The following DNAI7 variants were observed in gnomAD, a reference collection of about 807,000 sequenced individuals.
DNAI7 encodes the protein cancer susceptibility 1.
A neutral mutation model predicts 86.6 loss-of-function variants in DNAI7; 78 were observed. The observed-to-expected ratio is 0.90, with a 90% confidence interval of 0.75 to 1.09. The LOEUF is 1.09. DNAI7 is among the 50% of genes least tolerant of loss of function. The pLI is 0.00. For missense variants in DNAI7, 753 were observed against 810.2 expected, an observed-to-expected ratio of 0.93 and a Z score of 0.86; for synonymous variants, 274 against 273.0, an observed-to-expected ratio of 1.00 and a Z score of -0.04.
In DNAI7 at chr12:25,119,272, T is replaced by C. The variant is rs987184348; in HGVS notation, c.1269A>G (p.Thr423=). 3.7e-6 allele frequency: 6 copies of C among 1,609,446 alleles called. No homozygotes were observed. The East Asian group carries it at 6.7e-5, about 18-fold the overall frequency. Residue 423 remains threonine, a synonymous_variant, in exon 12 of 16, where the codon ACA becomes ACG. Coordinates refer to ENST00000395987, the MANE Select transcript of DNAI7 (RefSeq NM_018272.5). The part of the protein sequence containing the change: ...EILKEGLQKY[T]YPPETTEEFE... The stretch of plus-strand genomic sequence containing the variant: ...ACTCTTCTGTAGTTTCCGGAGGATA[T>C]GTGTATTTCTGTAATCCTTCTTTGA...
chr12:25,110,485 C>T (rs1949735529), intron 14 of DNAI7, among the ~76,000 whole-genome samples: 1 of 152,176 alleles, frequency 6.6e-6, no homozygotes, highest in Non-Finnish European at 1.5e-5. Flanking sequence ...TACCCCATTA[C>T]CTGCCGACCT....
rs1946461558 is a variant in DNAI7 at position 25,158,454 on chromosome 12, T to C, written c.198+18A>G. ...ATAGTTTAAGTATTCATTAAGAACA[T>C]TATTAATGTTTATTTACTTTTGCTT... On this transcript the variant is annotated intron_variant, in intron 4 of 15. Transcript: ENST00000395987. The C allele has an allele frequency of 1.9e-6, 3 of 1,577,490 alleles. No individual in the cohort carries two copies. Among genetic ancestry groups the C allele is most frequent in the East Asian group, 4.5e-5 (2 of 44,552 alleles).
chr12:25,143,912 G>T (rs1944503490), intron 9 of DNAI7, among the ~76,000 whole-genome samples: 1 of 152,162 alleles, frequency 6.6e-6, no homozygotes, highest in Admixed American at 6.5e-5. Flanking sequence ...TATCTCTAAA[G>T]ATGTCAGATT....
intron 2 of DNAI7, among the ~76,000 whole-genome samples, chr12:25,163,638 G>A (rs1947094701): frequency 6.6e-6 from 1 of 152,162 alleles, no homozygotes; most frequent in African/African-American, 2.4e-5. Flanking sequence ...CTGGTGCCGT[G>A]ACTTGGATCA....
chr12:25,144,344 G>C (rs773267742), intron 9 of DNAI7, 21 bp downstream of exon 9: 1 of 1,572,468 alleles, frequency 6.4e-7, no homozygotes, highest in African/African-American at 1.4e-5. Flanking sequence ...AAAAAAATGT[G>C]TATATTTAAA....
chr12:25,188,673 CAAAAAAAAAA>C (rs71065918), intron 2 of DNAI7, among the ~76,000 whole-genome samples: 71,719 of 130,914 alleles, frequency 0.55, 18,465 homozygotes, highest in East Asian at 0.8. Flanking sequence ...GACTCTGTCT[CAAAAAAAAAA>C]AAAAAAAAAA....
Position 25,144,491 on chromosome 12 carries a change from C to T in DNAI7, c.876G>A (p.Lys292=). The change falls in exon 9 of 16, where the codon AAG becomes AAA. Residue 292 remains lysine (K), a synonymous_variant. Transcript: ENST00000395987. ...CCTTGCTGATTGCTTTTTCTACATTCTTAACATCATCTTTGACAAGCTCAG... is the reference window on the plus strand; with the variant it reads ...CCTTGCTGATTGCTTTTTCTACATTTTTAACATCATCTTTGACAAGCTCAG... ...AVTELVKDDV[K]NVEKAISKEV... 6.2e-7 allele frequency: 1 copy of T among 1,614,096 alleles called. No individual in the cohort carries two copies. The highest frequency in any genetic ancestry group is 1.1e-5 in the South Asian group (1 of 91,084).
In DNAI7 at chr12:25,129,488, C is replaced by T. The variant is rs944231231; in HGVS notation, c.1003-6202G>A. 5.9e-5 allele frequency among the ~76,000 whole-genome samples: 9 copies of T among 152,214 alleles called. No homozygotes were observed. The East Asian group carries it at 1.4e-3, about 23-fold the overall frequency. On this transcript the variant is annotated intron_variant, in intron 9 of 15. Transcript: ENST00000395987. ...GCACTGAAAACATACATTTGTGGCA[C>T]ATTAAAGGTTGTTGAATGTTAAGGA...
At chr12:25,149,110 C>T (rs1592429306) in intron 7 of DNAI7, among the ~76,000 whole-genome samples, 1 of 152,064 alleles carries the variant, frequency 6.6e-6, no homozygotes, top group East Asian at 1.9e-4. Flanking sequence ...CTCAAGCTCC[C>T]AAGTAGCTGG....
Position 25,108,378 on chromosome 12 carries a change from G to GAAA in DNAI7, c.*167_*169dup. 1 of 604,386 alleles carries GAAA rather than the reference G, an allele frequency of 1.7e-6. No individual in the cohort carries two copies. The highest frequency in any genetic ancestry group is 2.7e-6 in the Non-Finnish European group (1 of 376,620). The allele number at this position is 604,386 out of a possible 1,614,324, so 37.4% of individuals were successfully genotyped here. ...TTCTTAACAGGCCAAGTATTCAAAGGAAAAAAAAATACTGTTTTTAAAATA... is the reference window on the plus strand; with the variant it reads ...TTCTTAACAGGCCAAGTATTCAAAGGAAAAAAAAAAAATACTGTTTTTAAAATA... On this transcript the variant is annotated 3_prime_UTR_variant, in exon 16 of 16. Transcript: ENST00000395987.
In DNAI7 at chr12:25,123,306, T is replaced by A. The variant is rs755385209; in HGVS notation, c.1003-20A>T. The A allele has an allele frequency of 3.0e-5, 47 of 1,552,208 alleles. No homozygotes were observed. The Admixed American group carries it at 4.1e-4, about 14-fold the overall frequency. On this transcript the variant is annotated intron_variant, in intron 9 of 15. Coordinates refer to ENST00000395987, the MANE Select transcript of DNAI7 (RefSeq NM_018272.5). ...AGAACTCTATAAAAAACCACAGACA[T>A]ATGGGTGTGATTGTCAGTGTCTACA... is the stretch of plus-strand genomic sequence containing the variant.
At chr12:25,179,446 A>G (rs1015164505) in intron 2 of DNAI7, among the ~76,000 whole-genome samples, 6 of 152,214 alleles carry the variant, frequency 3.9e-5, no homozygotes, top group African/African-American at 1.4e-4. Context: ...TTAATTATTG[A>G]AAGAGAAAAT....
intron 6 of DNAI7, among the ~76,000 whole-genome samples, chr12:25,151,801 C>T (rs1833477408): frequency 6.6e-6 from 1 of 152,208 alleles, no homozygotes; most frequent in Non-Finnish European, 1.5e-5. Context: ...GCAAGCAAAT[C>T]ACAATCTATG....
chr12:25,123,244 C>T lies in DNAI7; in HGVS notation c.1045G>A (p.Glu349Lys). ...EESEAIKCER[E>K]MKVLSETVSA... ...ACAGTTTCACTTAATACTTTCATCT[C>T]TCGTTCACATTTTATGGCTTCAGAT... Residue 349 changes from glutamate (E) to lysine (K), a missense_variant, in exon 10 of 16, where the codon GAG becomes AAG. Glu to Lys is a moderately conservative substitution (Grantham distance 56, BLOSUM62 1). Transcript: ENST00000395987. 6.2e-7 allele frequency: 1 copy of T among 1,607,042 alleles called. No homozygotes were observed. The highest frequency in any genetic ancestry group is 8.5e-7 in the Non-Finnish European group (1 of 1,177,402).
At chr12:25,165,115 T>TAA (rs1947311265) in intron 2 of DNAI7, among the ~76,000 whole-genome samples, 1 of 152,128 alleles carries the variant, frequency 6.6e-6, no homozygotes, top group Non-Finnish European at 1.5e-5. Context: ...CCCTAGACCC[T>TAA]AAAAGGTCAA....
intron 14 of DNAI7, 45 bp from the exon 15 acceptor site, chr12:25,110,285 C>G (rs1414320081): frequency 9.0e-7 from 1 of 1,113,084 alleles, no homozygotes; most frequent in African/African-American, 1.5e-5. Flanking sequence ...AGCCTCCCAA[C>G]AAGTCTTCCT....
At chr12:25,112,035 A>G (rs1938957490) in intron 13 of DNAI7, 96 bp from the exon 14 acceptor site, 2 of 686,056 alleles carry the variant, frequency 2.9e-6, no homozygotes, top group Non-Finnish European at 4.6e-6. Flanking sequence ...TACATTTTTA[A>G]AAGTCATCTA....
chr12:25,125,610 T>A (rs574110956), intron 9 of DNAI7, among the ~76,000 whole-genome samples: 1 of 152,340 alleles, frequency 6.6e-6, no homozygotes, highest in East Asian at 1.9e-4. Context: ...CTCTTAAGTT[T>A]AATTAGATGC....
Position 25,149,794 on chromosome 12 carries a change from T to C in DNAI7, c.439-20A>G. The C allele has an allele frequency of 7.2e-7, 1 of 1,397,858 alleles. No individual in the cohort carries two copies. The highest frequency in any genetic ancestry group is 1.0e-6 in the Non-Finnish European group (1 of 998,248). The allele number at this position is 1,397,858 out of a possible 1,614,324, so 86.6% of individuals were successfully genotyped here. A position where few individuals can be genotyped will look rare whatever the true frequency, so the allele number is the denominator to read the frequency against. ...AATTAACTGTAAAGTAAAAGAATAT[T>C]TGCATTAATTCTCAGAGAAATAGTC... On this transcript the variant is annotated intron_variant, in intron 6 of 15. Transcript: ENST00000395987.
Sources: gnomAD v4.1 joint callset for allele counts (sites outside exome capture counted in the v4.1 genomes callset) on GRCh38, gnomAD v4.1.1 for gene constraint, MANE v1.5 for transcripts, NCBI Gene and HGNC (gene_info 2026-07-23, HGNC 2026-07-21) for gene names.